Variants in STK32B observed in about 807,000 individuals in gnomAD.
STK32B encodes the protein serine/threonine kinase 32B, also known as serine/threonine-protein kinase 32B.
A neutral mutation model predicts 52.6 loss-of-function variants in STK32B; 43 were observed. That is an observed-to-expected ratio of 0.82 (90% CI 0.64 to 1.05). STK32B has a LOEUF of 1.05. Ranked by LOEUF, STK32B falls within the 50% of genes least tolerant of loss-of-function variation. The pLI is 0.00. For missense variants in STK32B, 621 were observed against 534.6 expected, an observed-to-expected ratio of 1.16 and a Z score of -1.59; for synonymous variants, 238 against 204.3, an observed-to-expected ratio of 1.17 and a Z score of -1.41.
intron 7 of STK32B, among the ~76,000 whole-genome samples, chr4:5,454,154 C>G (rs903813953): frequency 1.3e-5 from 2 of 152,196 alleles, no homozygotes; most frequent in Admixed American, 6.5e-5. Flanking sequence ...ATGCCGGGCC[C>G]CATCTACAGA....
chr4:5,361,546 A>G (rs561251458), intron 4 of STK32B, among the ~76,000 whole-genome samples: 4 of 152,230 alleles, frequency 2.6e-5, no homozygotes, highest in African/African-American at 9.6e-5. Flanking sequence ...TAATTTTTCT[A>G]TAGAGATGGG....
intron 3 of STK32B, among the ~76,000 whole-genome samples, chr4:5,312,594 T>A (rs1205124983): frequency 6.6e-6 from 1 of 152,148 alleles, no homozygotes; most frequent in African/African-American, 2.4e-5. Flanking sequence ...ATTTCATCCA[T>A]GTCCCTACAA....
chr4:5,418,091 A>G (rs867684190), intron 6 of STK32B, among the ~76,000 whole-genome samples: 7 of 152,228 alleles, frequency 4.6e-5, no homozygotes, highest in South Asian at 4.1e-4. Flanking sequence ...CGTGGAAGGG[A>G]ACTGCATGGA....
intron 3 of STK32B, among the ~76,000 whole-genome samples, chr4:5,239,413 C>T (rs1384714849): frequency 6.6e-6 from 1 of 152,084 alleles, no homozygotes; most frequent in Admixed American, 6.5e-5. Context: ...TTGTTCTCTA[C>T]CTGCAGACCC....
chr4:5,246,454 T>G (rs977183608), intron 3 of STK32B, among the ~76,000 whole-genome samples: 1 of 152,174 alleles, frequency 6.6e-6, no homozygotes, highest in Non-Finnish European at 1.5e-5. Context: ...CTGCATTGGT[T>G]TTTCTAGTTA....
chr4:5,455,100 T>G (rs1223431350), intron 7 of STK32B, among the ~76,000 whole-genome samples: 6 of 152,180 alleles, frequency 3.9e-5, no homozygotes, highest in Non-Finnish European at 8.8e-5. Flanking sequence ...TGTGCACATC[T>G]GAGGGGGCAG....
chr4:5,118,823 C>G (rs1241053995), intron 1 of STK32B, among the ~76,000 whole-genome samples: 1 of 152,182 alleles, frequency 6.6e-6, no homozygotes, highest in Non-Finnish European at 1.5e-5. Context: ...TGGCAAGTAC[C>G]TGTTCACCAG....
chr4:5,258,152 G>A (rs1011967349), intron 3 of STK32B, among the ~76,000 whole-genome samples: 3 of 152,082 alleles, frequency 2.0e-5, no homozygotes, highest in Non-Finnish European at 2.9e-5. Flanking sequence ...GGACTTCATC[G>A]CTATTCATTA....
intron 3 of STK32B, among the ~76,000 whole-genome samples, chr4:5,238,680 G>C (rs941857180): frequency 1.3e-5 from 2 of 152,280 alleles, no homozygotes; most frequent in East Asian, 1.9e-4. Context: ...ATTTAGCCGT[G>C]AAAAATACAA....
chr4:5,085,733 G>C (rs1712696194), intron 1 of STK32B, among the ~76,000 whole-genome samples: 1 of 152,186 alleles, frequency 6.6e-6, no homozygotes, highest in Non-Finnish European at 1.5e-5. Flanking sequence ...GACAACCCAA[G>C]AGGCACTTAT....
At chr4:5,352,335 G>A (rs1733880444) in intron 4 of STK32B, among the ~76,000 whole-genome samples, 1 of 151,950 alleles carries the variant, frequency 6.6e-6, no homozygotes, top group African/African-American at 2.4e-5. Flanking sequence ...CAAAATTAAG[G>A]AGGAAAAACA....
In STK32B at chr4:5,158,259, A is replaced by G. The variant is rs1302500670; in HGVS notation, c.109-10040A>G. Among the ~76,000 whole-genome samples the G allele has an allele frequency of 2.6e-5, 4 of 152,166 alleles. No homozygotes were observed. The East Asian group carries it at 7.8e-4, about 30-fold the overall frequency. ...TTTGCCCTTCTACAGAGTGTTTCCC[A>G]GCTCCCTTTACCCTGAGGGCACCAA... On this transcript the variant is annotated intron_variant, in intron 2 of 11. Coordinates refer to ENST00000282908, the MANE Select transcript of STK32B (RefSeq NM_018401.3).
At chr4:5,127,713 A>T (rs1715490764) in intron 1 of STK32B, among the ~76,000 whole-genome samples, 1 of 152,150 alleles carries the variant, frequency 6.6e-6, no homozygotes, top group Admixed American at 6.5e-5. Context: ...ATGCAGCTGC[A>T]AGTCAGGGAA....
chr4:5,289,998 C>T, intron 3 of STK32B, among the ~76,000 whole-genome samples: 1 of 152,044 alleles, frequency 6.6e-6, no homozygotes, highest in Non-Finnish European at 1.5e-5. Flanking sequence ...GTTTTTCAAT[C>T]TTCACCCTCC....
intron 1 of STK32B, among the ~76,000 whole-genome samples, chr4:5,090,032 C>T (rs759205056): frequency 5.6e-4 from 85 of 152,196 alleles, no homozygotes; most frequent in Non-Finnish European, 9.6e-4. Context: ...AGTGTCTGTT[C>T]ATGTCTTTTG....
chr4:5,414,315 AT>A (rs1247845793), intron 5 of STK32B, among the ~76,000 whole-genome samples: 1 of 151,430 alleles, frequency 6.6e-6, no homozygotes. Flanking sequence ...TAAATAATAT[AT>A]TTTTATACTA....
intron 4 of STK32B, among the ~76,000 whole-genome samples, chr4:5,338,395 T>A (rs1023064378): frequency 3.9e-5 from 6 of 152,224 alleles, no homozygotes; most frequent in African/African-American, 1.4e-4. Context: ...ATGCTGTACT[T>A]CCTAAAGAAG....
chr4:5,243,951 C>CTGCTGGA (rs1725241293), intron 3 of STK32B, among the ~76,000 whole-genome samples: 4 of 152,062 alleles, frequency 2.6e-5, no homozygotes, highest in Non-Finnish European at 5.9e-5. Flanking sequence ...GGTGGATAAG[C>CTGCTGGA]TTTTTGATGT....
intron 1 of STK32B, among the ~76,000 whole-genome samples, chr4:5,094,986 A>G (rs978067317): frequency 5.3e-5 from 8 of 152,168 alleles, no homozygotes; most frequent in Non-Finnish European, 1.2e-4. Context: ...GGGCTCAGAG[A>G]GGAATGAGAT....
Sources: gnomAD v4.1 joint callset for allele counts (sites outside exome capture counted in the v4.1 genomes callset) on GRCh38, gnomAD v4.1.1 for gene constraint, MANE v1.5 for transcripts, NCBI Gene and HGNC (gene_info 2026-07-23, HGNC 2026-07-21) for gene names.